The following PDE11A variants were observed in gnomAD, a reference collection of about 807,000 sequenced individuals.
PDE11A encodes dual 3',5'-cyclic-AMP and -GMP phosphodiesterase 11A.
A neutral mutation model predicts 100.5 loss-of-function variants in PDE11A; 100 were observed. The ratio of observed to expected loss-of-function variants is 1.00; its 90% CI spans 0.85 to 1.18. The LOEUF (loss-of-function observed/expected upper bound fraction) is 1.18. Ranked by LOEUF, PDE11A falls within the 50% of genes most tolerant of loss-of-function variation. The probability of loss-of-function intolerance (pLI) is 0.00; values close to 1 mark genes in which losing one functional copy is unlikely to be tolerated. For synonymous variants in PDE11A, 381 were observed against 420.8 expected (o/e 0.91, Z 1.16); for missense variants, 1,141 against 1,152.6 (o/e 0.99, Z 0.15).
rs2079788017 is a variant in PDE11A at position 177,623,277 on chromosome 2, A to T, written c.*6130T>A. 1 of 152,240 alleles carries T rather than the reference A, an allele frequency of 6.6e-6. No individual in the cohort carries two copies. The highest frequency in any genetic ancestry group is 2.4e-5 in the African/African-American group (1 of 41,466). The allele number at this position is 152,240 out of a possible 1,614,324, so 9.4% of individuals were successfully genotyped here. ...AACTCTAAGTATTTTATTAAAAACA[A>T]AGATATTCAGGTCTCTTAAAGCGGG... On this transcript the variant is annotated 3_prime_UTR_variant, in exon 20 of 20. Coordinates refer to ENST00000286063, the MANE Select transcript of PDE11A (RefSeq NM_016953.4).
At chr2:177,659,253 T>G (rs2080437708) in intron 19 of PDE11A, among the ~76,000 whole-genome samples, 1 of 113,068 alleles carries the variant, frequency 8.8e-6, no homozygotes, top group African/African-American at 3.4e-5. Context: ...AAGAGCAAAA[T>G]TCTATCTCAG....
At chr2:177,726,430 GA>G (rs1473833710) in intron 12 of PDE11A, among the ~76,000 whole-genome samples, 1 of 152,036 alleles carries the variant, frequency 6.6e-6, no homozygotes, top group Non-Finnish European at 1.5e-5. Context: ...AGATGCTGTT[GA>G]AAAAACAAGA....
At chr2:177,908,439 A>G (rs1292985708) in intron 2 of PDE11A, among the ~76,000 whole-genome samples, 1 of 152,224 alleles carries the variant, frequency 6.6e-6, no homozygotes, top group Non-Finnish European at 1.5e-5. Context: ...TTGGGGCAGA[A>G]AAGAAACTGA....
intron 6 of PDE11A, among the ~76,000 whole-genome samples, chr2:177,821,104 A>C (rs2083132192): frequency 2.0e-5 from 3 of 152,034 alleles, no homozygotes; most frequent in Admixed American, 2.0e-4. Context: ...AGATAAAAAG[A>C]TATTTTAAAA....
intron 13 of PDE11A, among the ~76,000 whole-genome samples, chr2:177,710,144 C>G (rs1244489028): frequency 6.6e-6 from 1 of 151,536 alleles, no homozygotes; most frequent in Non-Finnish European, 1.5e-5. Context: ...GGCACAAAGT[C>G]CCAGAGGAGA....
chr2:177,788,566 C>T (rs1434004677), intron 9 of PDE11A, among the ~76,000 whole-genome samples: 1 of 151,140 alleles, frequency 6.6e-6, no homozygotes, highest in Non-Finnish European at 1.5e-5. Flanking sequence ...AATAGAGACA[C>T]AAAAAACCCT....
At chr2:178,083,844 T>C (rs769617496) in intron 2 of PDE11A, among the ~76,000 whole-genome samples, 14 of 152,242 alleles carry the variant, frequency 9.2e-5, no homozygotes, top group South Asian at 4.1e-4. Context: ...CTTTGAGCTA[T>C]ACTTTTAGTT....
chr2:178,066,872 G>T (rs1049737571), intron 1 of PDE11A, among the ~76,000 whole-genome samples: 1 of 152,178 alleles, frequency 6.6e-6, no homozygotes, highest in Non-Finnish European at 1.5e-5. Context: ...GCTTGCTATG[G>T]ATTAGGGGAC....
chr2:177,861,130 G>A (rs1467654398), intron 5 of PDE11A, among the ~76,000 whole-genome samples: 2 of 151,744 alleles, frequency 1.3e-5, no homozygotes, highest in Non-Finnish European at 3.0e-5. Flanking sequence ...CATTCAGACT[G>A]TAAAGAAAAA....
intron 9 of PDE11A, among the ~76,000 whole-genome samples, chr2:177,804,159 A>T (rs546483486): frequency 6.6e-6 from 1 of 152,184 alleles, no homozygotes; most frequent in Admixed American, 6.6e-5. Flanking sequence ...AAATCAACAA[A>T]GTAAACAAAC....
intron 10 of PDE11A, among the ~76,000 whole-genome samples, chr2:177,761,333 A>G (rs539875998): frequency 9.2e-5 from 14 of 152,352 alleles, no homozygotes; most frequent in African/African-American, 2.6e-4. Flanking sequence ...TGAAATTGTC[A>G]GAAATTTCCA....
At chr2:177,942,015 A>G (rs1559016628) in intron 2 of PDE11A, among the ~76,000 whole-genome samples, 1 of 152,216 alleles carries the variant, frequency 6.6e-6, no homozygotes, top group Non-Finnish European at 1.5e-5. Flanking sequence ...TCATACTCCC[A>G]TTCCAGTCCT....
intron 19 of PDE11A, among the ~76,000 whole-genome samples, chr2:177,661,117 T>C (rs2080479860): frequency 1.3e-5 from 2 of 152,198 alleles, no homozygotes; most frequent in South Asian, 4.1e-4. Context: ...CACCCAACCT[T>C]GCCCTACCTT....
At chr2:177,983,041 A>C (rs2085901749) in intron 2 of PDE11A, among the ~76,000 whole-genome samples, 1 of 150,554 alleles carries the variant, frequency 6.6e-6, no homozygotes, top group Non-Finnish European at 1.5e-5. Flanking sequence ...GCGCCATTAC[A>C]CTCCAGCATG....
intron 3 of PDE11A, among the ~76,000 whole-genome samples, chr2:177,901,535 A>T (rs999644230): frequency 2.6e-5 from 4 of 152,300 alleles, no homozygotes; most frequent in Admixed American, 6.5e-5. Flanking sequence ...TGGTTACATT[A>T]TCTCTAAAGA....
At chr2:177,963,896 C>T (rs1309099235) in intron 2 of PDE11A, among the ~76,000 whole-genome samples, 4 of 152,170 alleles carry the variant, frequency 2.6e-5, no homozygotes, top group African/African-American at 9.7e-5. Context: ...AAGTACTCTG[C>T]TTTACTCTGC....
intron 2 of PDE11A, among the ~76,000 whole-genome samples, chr2:177,968,546 C>T (rs2085727979): frequency 1.3e-5 from 2 of 152,128 alleles, no homozygotes; most frequent in Admixed American, 1.3e-4. Context: ...TCCAAATAAA[C>T]CCAAGCTTAC....
At chr2:177,881,332 C>CATCTAACTGTCT (rs2084333832) in intron 4 of PDE11A, among the ~76,000 whole-genome samples, 5 of 139,834 alleles carry the variant, frequency 3.6e-5, no homozygotes, top group African/African-American at 1.3e-4. Context: ...ATCTATCTAT[C>CATCTAACTGTCT]ATCTATCTGT....
intron 3 of PDE11A, among the ~76,000 whole-genome samples, chr2:177,899,282 T>C (rs181300150): frequency 4.1e-4 from 63 of 152,188 alleles, no homozygotes; most frequent in Non-Finnish European, 8.5e-4. Context: ...TGGTGGCATG[T>C]TCCCGTAGTC....
Sources: gnomAD v4.1 joint callset for allele counts (sites outside exome capture counted in the v4.1 genomes callset) on GRCh38, gnomAD v4.1.1 for gene constraint, MANE v1.5 for transcripts, NCBI Gene and HGNC (gene_info 2026-07-23, HGNC 2026-07-21) for gene names.